The following TTLL12 variants were observed in gnomAD, a reference collection of about 807,000 sequenced individuals.
TTLL12 encodes the protein tubulin tyrosine ligase like 12, also known as tubulin--tyrosine ligase-like protein 12.
A neutral mutation model predicts 79.6 loss-of-function variants in TTLL12; 77 were observed. That is an observed-to-expected ratio of 0.97 (90% CI 0.81 to 1.17). The LOEUF (loss-of-function observed/expected upper bound fraction) is 1.17, where lower values mean the gene tolerates loss of function less well. Among genes scored for constraint, TTLL12 ranks in the 50% most tolerant of loss-of-function variants. The probability of loss-of-function intolerance (pLI) is 0.00; values close to 1 mark genes in which losing one functional copy is unlikely to be tolerated. For missense variants in TTLL12, 969 were observed against 895.9 expected, an observed-to-expected ratio of 1.08 and a Z score of -1.04; for synonymous variants, 437 against 376.1, an observed-to-expected ratio of 1.16 and a Z score of -1.87.
intron 11 of TTLL12, chr22:43,170,179 G>A (rs149813123): frequency 5.8e-6 from 2 of 347,448 alleles, no homozygotes; most frequent in Non-Finnish European, 1.1e-5. Context: ...CAGGCACAGA[G>A]CTCCAGGAGA....
chr22:43,186,789 C>A, intron 1 of TTLL12, 104 bp downstream of exon 1: 1 of 1,142,692 alleles, frequency 8.8e-7, no homozygotes. Flanking sequence ...GGGTGGCTCA[C>A]CGCGGCTCCC....
At chr22:43,168,686 G>T in intron 13 of TTLL12, 88 bp downstream of exon 13, 1 of 1,512,538 alleles carries the variant, frequency 6.6e-7, no homozygotes, top group Non-Finnish European at 8.9e-7. Flanking sequence ...GGACAGCCTG[G>T]GGCAGCTGCC....
At chr22:43,174,642 T>C in intron 6 of TTLL12, 27 bp from the exon 7 acceptor site, 1 of 1,530,824 alleles carries the variant, frequency 6.5e-7, no homozygotes, top group Non-Finnish European at 8.9e-7. Context: ...AGCTGGGTGA[T>C]CCCGGCTCCC....
chr22:43,169,387 G>T, intron 12 of TTLL12, 113 bp downstream of exon 12: 1 of 937,632 alleles, frequency 1.1e-6, no homozygotes, highest in Non-Finnish European at 1.6e-6. Context: ...AACTGCAGGG[G>T]ACAAAGGTCC....
chr22:43,167,170 C>T lies in TTLL12; in HGVS notation c.*838G>A. 1 of 531,752 alleles carries T rather than the reference C, an allele frequency of 1.9e-6. No individual in the cohort carries two copies. Among genetic ancestry groups the T allele is most frequent in the South Asian group, 1.4e-5 (1 of 71,112 alleles). The allele number at this position is 531,752 out of a possible 1,614,324, so 32.9% of individuals were successfully genotyped here. On this transcript the variant is annotated 3_prime_UTR_variant, in exon 14 of 14. Coordinates refer to ENST00000216129, the MANE Select transcript of TTLL12 (RefSeq NM_015140.4). ...CATTGGAATCCTTTTCTGTCTGGCG[C>T]TCCACCGCCCACAATCAGCCCCAGC...
intron 2 of TTLL12, among the ~76,000 whole-genome samples, chr22:43,182,103 C>T (rs1400520607): frequency 1.3e-5 from 2 of 149,948 alleles, no homozygotes; most frequent in Non-Finnish European, 3.0e-5. Flanking sequence ...CCCTAGCCTC[C>T]CCACCACCCA....
intron 6 of TTLL12, 108 bp from the exon 7 acceptor site, chr22:43,174,723 G>A (rs1303387535): frequency 6.3e-6 from 5 of 787,594 alleles, no homozygotes; most frequent in East Asian, 2.6e-5. Flanking sequence ...AGCTAATGAG[G>A]CAGAGGCAAG....
chr22:43,174,323 G>A lies in TTLL12; in HGVS notation c.1115C>T (p.Ala372Val). Residue 372 changes from alanine to valine, a missense_variant, in exon 8 of 14, where the codon GCC becomes GTC. Ala to Val is a moderately conservative substitution (Grantham distance 64). Transcript: ENST00000216129. ...ENLLTVKDCL[A>V]SIARRAGGPE... ...GCCACCTGCCCGGCGCGCGATGGAG[G>A]CCAGGCAGTCCTTGACAGTCAGCAG... 6.2e-7 allele frequency: 1 copy of A among 1,609,998 alleles called. No homozygotes were observed. The highest frequency in any genetic ancestry group is 8.5e-7 in the Non-Finnish European group (1 of 1,178,470).
chr22:43,181,947 T>C (rs1166361883), intron 2 of TTLL12, among the ~76,000 whole-genome samples: 1 of 144,652 alleles, frequency 6.9e-6, no homozygotes, highest in Non-Finnish European at 1.6e-5. Context: ...GCTATGGGGA[T>C]GAGGATGGAG....
At position 43,171,818 on chromosome 22, in the gene TTLL12, C is replaced by T. The variant is rs759203061; in HGVS notation, c.1575+1G>A. The T allele has an allele frequency of 3.1e-6, 5 of 1,613,970 alleles. No individual in the cohort carries two copies. Among genetic ancestry groups the T allele is most frequent in the Non-Finnish European group, 4.2e-6 (5 of 1,179,922 alleles). On this transcript the variant is annotated splice_donor_variant, in intron 11 of 13. Coordinates refer to ENST00000216129, the MANE Select transcript of TTLL12 (RefSeq NM_015140.4). LOFTEE classifies it high-confidence loss of function. The stretch of plus-strand genomic sequence containing the variant: ...TGCTCTGCACCTCCCTCAGGCCCTA[C>T]CTGCTTCAGCACCACATCCGGGTCA...
Position 43,180,864 on chromosome 22 carries a change from G to T in TTLL12, c.424C>A (p.Leu142Met). ...CCCATCAGGTTGGCCATGCGGTGCAGCAGCCCGGGCACCTGCTGCAGCTGC... is the reference window on the plus strand; with the variant it reads ...CCCATCAGGTTGGCCATGCGGTGCATCAGCCCGGGCACCTGCTGCAGCTGC... ...RQQLQQVPGLLHRMANLMGIE... is the reference protein window; with the variant it reads ...RQQLQQVPGLMHRMANLMGIE... The change falls in exon 3 of 14, where the codon CTG (leucine) becomes ATG (methionine). Residue 142 changes from leucine to methionine, a missense_variant. By Grantham distance (15) the Leu-to-Met change is conservative. Transcript: ENST00000216129. 1 of 1,613,012 alleles carries T rather than the reference G, an allele frequency of 6.2e-7. No individual in the cohort carries two copies. Among genetic ancestry groups the T allele is most frequent in the Non-Finnish European group, 8.5e-7 (1 of 1,179,932 alleles).
At chr22:43,169,054 GC>G in intron 12 of TTLL12, 142 bp from the exon 13 acceptor site, 1 of 1,105,742 alleles carries the variant, frequency 9.0e-7, no homozygotes, top group Non-Finnish European at 1.3e-6. Context: ...CCTCACCATG[GC>G]CACCTCCGCC....
rs745624185 is a variant in TTLL12 at position 43,168,082 on chromosome 22, T to G, written c.1861A>C (p.Thr621Pro). ...GTGCTGAAGACGTCGTTGAAGAAGG[T>G]GGGGTGGTACCTGCAGGCTCGCTCA... ...DCERACRYHPTFFNDVFSTLF... is the reference protein window; with the variant it reads ...DCERACRYHPPFFNDVFSTLF... Residue 621 changes from threonine (T) to proline (P), a missense_variant, in exon 14 of 14, where the codon ACC (threonine) becomes CCC (proline). Physicochemically the swap from Thr to Pro is conservative, Grantham distance 38 (BLOSUM62 -1). Coordinates refer to ENST00000216129, the MANE Select transcript of TTLL12 (RefSeq NM_015140.4). 1 of 1,614,018 alleles carries G rather than the reference T, an allele frequency of 6.2e-7. No homozygotes were observed. Among genetic ancestry groups the G allele is most frequent in the Non-Finnish European group, 8.5e-7 (1 of 1,179,962 alleles).
At chr22:43,175,398 A>G (rs992462474) in intron 6 of TTLL12, 1 of 152,264 alleles carries the variant, frequency 6.6e-6, no homozygotes, top group African/African-American at 2.4e-5. Flanking sequence ...GTGGGTGCCC[A>G]GCATGTTCCT....
intron 13 of TTLL12, among the ~76,000 whole-genome samples, chr22:43,168,428 T>TCAA (rs33976913): frequency 1.4e-5 from 2 of 146,676 alleles, no homozygotes; most frequent in African/African-American, 5.0e-5. Flanking sequence ...TTCAGTTTAG[T>TCAA]AAAAAAAAAA....
At chr22:43,182,228 G>T (rs1932076218) in intron 2 of TTLL12, among the ~76,000 whole-genome samples, 1 of 152,230 alleles carries the variant, frequency 6.6e-6, no homozygotes, top group Non-Finnish European at 1.5e-5. Flanking sequence ...AGCCGCACAG[G>T]AGAACTCACT....
At chr22:43,168,647 A>C (rs1246860494) in intron 13 of TTLL12, 127 bp downstream of exon 13, 6 of 1,363,682 alleles carry the variant, frequency 4.4e-6, no homozygotes, top group Non-Finnish European at 6.0e-6. Context: ...GCTTTCCCCA[A>C]CCCAGATTCC....
At chr22:43,181,296 C>T (rs755416449) in intron 2 of TTLL12, among the ~76,000 whole-genome samples, 1 of 152,282 alleles carries the variant, frequency 6.6e-6, no homozygotes, top group African/African-American at 2.4e-5. Context: ...CCAGCAGTCA[C>T]TAGCGTGAAG....
Position 43,180,921 on chromosome 22 carries a change from C to CGTGGT in TTLL12, c.362_366dup (p.Ala123ThrfsTer28), listed in dbSNP as rs1365857038. ...GCGTGCTCCACACGGCACGTCCAGG[C>CGTGGT]GTGGTCGATGAGGAAGATGCTGCGG... On this transcript the variant is annotated frameshift_variant, in exon 3 of 14. Coordinates refer to ENST00000216129, the MANE Select transcript of TTLL12 (RefSeq NM_015140.4). LOFTEE classifies it high-confidence loss of function. The CGTGGT allele has an allele frequency of 2.5e-6, 4 of 1,611,578 alleles. No individual in the cohort carries two copies. In the Admixed American group the frequency reaches 5.0e-5, roughly 20 times the overall value.
Sources: gnomAD v4.1 joint callset for allele counts (sites outside exome capture counted in the v4.1 genomes callset) on GRCh38, gnomAD v4.1.1 for gene constraint, MANE v1.5 for transcripts, NCBI Gene and HGNC (gene_info 2026-07-23, HGNC 2026-07-21) for gene names.